ATG16L2: variants seen among roughly 807,000 people sequenced by gnomAD.
ATG16L2 encodes the protein protein Atg16l2.
ATG16L2 carries 77 observed loss-of-function variants against 84.7 expected under a neutral mutation model. The ratio of observed to expected loss-of-function variants is 0.91; its 90% CI spans 0.76 to 1.10. The LOEUF is 1.10. Among genes scored for constraint, ATG16L2 ranks in the 50% least tolerant of loss-of-function variants. The pLI is 0.00. For synonymous variants in ATG16L2, 361 were observed against 342.8 expected, an observed-to-expected ratio of 1.05 and a Z score of -0.59; for missense variants, 782 against 817.6, an observed-to-expected ratio of 0.96 and a Z score of 0.53.
rs970386752 is a variant in ATG16L2 at position 72,824,086 on chromosome 11, T to C, written c.851T>C (p.Leu284Pro). The part of the protein sequence containing the change: ...FRSASATSLT[L>P]SHCVDVVKGL... ...TCTGCCTCAGCCACCTCCCTGACGC[T>C]GTCCCACTGTGTGGATGTGGTGAAG... The change falls in exon 8 of 18, where the codon CTG (leucine) becomes CCG (proline). Residue 284 changes from leucine to proline, a missense_variant. Physicochemically the swap from Leu to Pro is moderately conservative, Grantham distance 98. Coordinates refer to ENST00000321297, the MANE Select transcript of ATG16L2 (RefSeq NM_033388.2). 7 of 1,614,254 alleles carry C rather than the reference T, an allele frequency of 4.3e-6. No individual in the cohort carries two copies. The East Asian group carries it at 1.3e-4, about 31-fold the overall frequency.
chr11:72,825,852 G>A (rs1386313838), intron 10 of ATG16L2, among the ~76,000 whole-genome samples: 3 of 152,084 alleles, frequency 2.0e-5, no homozygotes, highest in Admixed American at 6.5e-5. Flanking sequence ...AGTCAGAGCC[G>A]GCTCCTGGGG....
At chr11:72,824,536 C>A (rs1210566207) in intron 8 of ATG16L2, 198 bp from the exon 9 acceptor site, 3 of 603,370 alleles carry the variant, frequency 5.0e-6, no homozygotes, top group Non-Finnish European at 5.9e-6. Flanking sequence ...GTGTCTGCCT[C>A]TGTGTGCTCC....
chr11:72,822,288 C>A lies in ATG16L2; in HGVS notation c.637C>A (p.Arg213=). ...CGAGCGCAACCTGCGCAACGAGCGC[C>A]GGGAGCGGTGAGGGAGCAGGCCCCG... The part of the protein sequence containing the change: ...AAERNLRNER[R]ERAKQARVSQ... The change falls in exon 5 of 18, where the codon CGG becomes AGG. Residue 213 remains arginine, a synonymous_variant. Transcript: ENST00000321297. The surrounding 1 kb of genome is among the most constrained non-coding windows in gnomAD (Gnocchi z 4.2). 6.6e-7 allele frequency: 1 copy of A among 1,511,522 alleles called. No individual in the cohort carries two copies. Among genetic ancestry groups the A allele is most frequent in the South Asian group, 1.2e-5 (1 of 81,504 alleles). The allele number at this position is 1,511,522 out of a possible 1,614,324, so 93.6% of individuals were successfully genotyped here. A position where few individuals can be genotyped will look rare whatever the true frequency, so the allele number is the denominator to read the frequency against.
Position 72,827,207 on chromosome 11 carries a change from C to G in ATG16L2, c.1386C>G (p.Val462=), listed in dbSNP as rs1234532172. 8.7e-6 allele frequency: 14 copies of G among 1,614,036 alleles called. No individual in the cohort carries two copies. The highest frequency in any genetic ancestry group is 1.2e-5 in the Non-Finnish European group (14 of 1,179,946). Residue 462 remains valine (V), a synonymous_variant, in exon 14 of 18, where the codon GTC becomes GTG. Transcript: ENST00000321297. ...CCCCAGGCTCCAGGACCATCAATGTCCTTTCCTACTGTAATGACGTGGTGT... is the reference window on the plus strand; with the variant it reads ...CCCCAGGCTCCAGGACCATCAATGTGCTTTCCTACTGTAATGACGTGGTGT... ...GRAYCSRTIN[V]LSYCNDVVCG...
downstream of ATG16L2, among the ~76,000 whole-genome samples, chr11:72,831,137 G>C (rs1250105177): frequency 1.3e-5 from 2 of 152,242 alleles, no homozygotes; most frequent in African/African-American, 4.8e-5. Context: ...GAAGAGGCCA[G>C]GATGGGAATA....
Position 72,828,432 on chromosome 11 carries a change from C to T in ATG16L2, c.1546C>T (p.His516Tyr). 6.2e-7 allele frequency: 1 copy of T among 1,614,010 alleles called. No homozygotes were observed. The highest frequency in any genetic ancestry group is 8.5e-7 in the Non-Finnish European group (1 of 1,179,982). The change falls in exon 15 of 18, where the codon CAC becomes TAC. Residue 516 changes from histidine (H) to tyrosine (Y), a missense_variant. By Grantham distance (83) the His-to-Tyr change is moderately conservative. Transcript: ENST00000321297. ...CCTGAGCCTCAGCCACGACCAACTG[C>T]ACCTGCTCAGCTGTTCCCGAGACAA... Reference protein sequence around the residue: ...TSLSLSHDQLHLLSCSRDNTL... With the variant: ...TSLSLSHDQLYLLSCSRDNTL...
chr11:72,829,099 C>A, intron 17 of ATG16L2, 115 bp downstream of exon 17: 1 of 1,177,522 alleles, frequency 8.5e-7, no homozygotes, highest in Non-Finnish European at 1.2e-6. Context: ...ACCTTCCACC[C>A]GACCAGAGCC....
rs1859718650 is a variant in ATG16L2, at chr11:72,816,727, GATAA to G, written c.119_122del (p.Tyr40SerfsTer4). 6.2e-7 allele frequency: 1 copy of G among 1,613,782 alleles called. No individual in the cohort carries two copies. The highest frequency in any genetic ancestry group is 1.3e-5 in the African/African-American group (1 of 74,928). ...CAGGCTCACTCTCTTGCACTCTCCA[GATAA>G]CCATCTCTTAGAGAAGGCTGAGCTG... On this transcript the variant is annotated frameshift_variant and splice_region_variant, in exon 2 of 18. Transcript: ENST00000321297. LOFTEE classifies it high-confidence loss of function.
chr11:72,842,553 T>C, intron 5 of ATG16L2: 1 of 1,591,330 alleles, frequency 6.3e-7, no homozygotes. Flanking sequence ...TTTGTGTGGA[T>C]CCACAGACCC....
chr11:72,818,060 C>A (rs373641875), intron 3 of ATG16L2: 12 of 574,430 alleles, frequency 2.1e-5, no homozygotes, highest in African/African-American at 2.1e-4. Context: ...GCTCCAACAG[C>A]AGCTGGAGGG....
In ATG16L2 at chr11:72,822,609, CCCAG is replaced by C. The variant is rs1860079033; in HGVS notation, c.710+67_710+70del. 6.3e-7 allele frequency: 1 copy of C among 1,575,538 alleles called. No homozygotes were observed. The highest frequency in any genetic ancestry group is 8.6e-7 in the Non-Finnish European group (1 of 1,159,648). On this transcript the variant is annotated intron_variant, in intron 6 of 17. Transcript: ENST00000321297. The surrounding 1 kb of genome is among the most constrained non-coding windows in gnomAD (Gnocchi z 4.2). Reference sequence around the variant, plus strand: ...CTCCCGCCCCGCCTGCCTGCGGCGACCCAGGCTGCCGACTGTACTTGTGCACAGC... The same window carrying C: ...CTCCCGCCCCGCCTGCCTGCGGCGACGCTGCCGACTGTACTTGTGCACAGC...
In ATG16L2 at chr11:72,822,623, T is replaced by A. The variant is rs889061472; in HGVS notation, c.710+80T>A. 43 of 1,554,440 alleles carry A rather than the reference T, an allele frequency of 2.8e-5. No individual in the cohort carries two copies. The highest frequency in any genetic ancestry group is 3.7e-5 in the Non-Finnish European group (42 of 1,145,078). On this transcript the variant is annotated intron_variant, in intron 6 of 17. Coordinates refer to ENST00000321297, the MANE Select transcript of ATG16L2 (RefSeq NM_033388.2). This position sits in a 1 kb window ranked among gnomAD's most constrained non-coding sequence, Gnocchi z 4.2. ...GCCTGCGGCGACCCAGGCTGCCGAC[T>A]GTACTTGTGCACAGCCCCGTCCTGA...
rs1056965704 is a variant in ATG16L2 at position 72,822,365 on chromosome 11, G to C, written c.644+70G>C. 6.4e-7 allele frequency: 1 copy of C among 1,567,346 alleles called. No homozygotes were observed. The highest frequency in any genetic ancestry group is 1.4e-5 in the African/African-American group (1 of 73,526). Reference sequence around the variant, plus strand: ...TGCAGGGAGGAGTCGGGCCTCGCCGGTGTCTGGAAGGGAGGGGGGCAGCAG... The same window carrying C: ...TGCAGGGAGGAGTCGGGCCTCGCCGCTGTCTGGAAGGGAGGGGGGCAGCAG... On this transcript the variant is annotated intron_variant, in intron 5 of 17. Transcript: ENST00000321297. The surrounding 1 kb of genome is among the most constrained non-coding windows in gnomAD (Gnocchi z 4.2).
chr11:72,819,672 C>G (rs1303134552), intron 3 of ATG16L2, among the ~76,000 whole-genome samples: 1 of 152,194 alleles, frequency 6.6e-6, no homozygotes, highest in African/African-American at 2.4e-5. Flanking sequence ...CCCAGCACTC[C>G]TTCCCAGGAC....
Position 72,816,763 on chromosome 11 carries a change from A to G in ATG16L2, c.154A>G (p.Lys52Glu). 1 of 1,614,192 alleles carries G rather than the reference A, an allele frequency of 6.2e-7. No homozygotes were observed. Among genetic ancestry groups the G allele is most frequent in the South Asian group, 1.1e-5 (1 of 91,090 alleles). ...CTTAGAGAAGGCTGAGCTGCTGGAC[A>G]AGTTCTCAAAGAAGCTGCAGCCGGA... is the stretch of plus-strand genomic sequence containing the variant. The part of the protein sequence containing the change: ...HLLEKAELLD[K>E]FSKKLQPEPN... Residue 52 changes from lysine to glutamate, a missense_variant, in exon 2 of 18, where the codon AAG (lysine) becomes GAG (glutamate). Coordinates refer to ENST00000321297, the MANE Select transcript of ATG16L2 (RefSeq NM_033388.2).
rs1230950860 is a variant in ATG16L2, at chr11:72,817,802, C to T, written c.265C>T (p.Leu89=). Residue 89 remains leucine (L), a synonymous_variant, in exon 3 of 18, where the codon CTG becomes TTG. Coordinates refer to ENST00000321297, the MANE Select transcript of ATG16L2 (RefSeq NM_033388.2). ...AGACCAAGTCCCATCACTGGTCGCACTGAGGGTGAAGTGGCAGGAGGAGGA... is the reference window on the plus strand; with the variant it reads ...AGACCAAGTCCCATCACTGGTCGCATTGAGGGTGAAGTGGCAGGAGGAGGA... ...DSDQVPSLVA[L]RVKWQEEEEG... is the part of the protein sequence containing the mutation. 3 of 1,613,506 alleles carry T rather than the reference C, an allele frequency of 1.9e-6. No individual in the cohort carries two copies. Among genetic ancestry groups the T allele is most frequent in the East Asian group, 4.5e-5 (2 of 44,880 alleles).
intron 7 of ATG16L2, chr11:72,823,728 C>T (rs1329367149): frequency 4.1e-6 from 2 of 488,100 alleles, no homozygotes; most frequent in African/African-American, 3.9e-5. Context: ...CTCCCATCCC[C>T]AGCCTGGGGG....
At position 72,828,795 on chromosome 11, in the gene ATG16L2, A is replaced by G. The variant is rs1860509542; in HGVS notation, c.1670+19A>G. ...TGTTCAGGTATGTCCGTGAGAGCATATGCCTGTGTCCAAGTGTGCCCTGCC... is the reference window on the plus strand; with the variant it reads ...TGTTCAGGTATGTCCGTGAGAGCATGTGCCTGTGTCCAAGTGTGCCCTGCC... On this transcript the variant is annotated intron_variant, in intron 16 of 17. Coordinates refer to ENST00000321297, the MANE Select transcript of ATG16L2 (RefSeq NM_033388.2). 6.2e-7 allele frequency: 1 copy of G among 1,613,960 alleles called. No individual in the cohort carries two copies. The highest frequency in any genetic ancestry group is 1.3e-5 in the African/African-American group (1 of 74,878).
rs569123429 is a variant in ATG16L2, at chr11:72,816,789, G to C, written c.180G>C (p.Glu60Asp). ...AGTTCTCAAAGAAGCTGCAGCCGGA[G>C]CCAAACAGTGTCACTCCCACCACCC... is the stretch of plus-strand genomic sequence containing the variant. ...LDKFSKKLQP[E>D]PNSVTPTTHQ... The change falls in exon 2 of 18, where the codon GAG becomes GAC. Residue 60 changes from glutamate (E) to aspartate (D), a missense_variant. By Grantham distance (45) the Glu-to-Asp change is conservative. Coordinates refer to ENST00000321297, the MANE Select transcript of ATG16L2 (RefSeq NM_033388.2). 1 of 1,614,254 alleles carries C rather than the reference G, an allele frequency of 6.2e-7. No individual in the cohort carries two copies. The highest frequency in any genetic ancestry group is 8.5e-7 in the Non-Finnish European group (1 of 1,180,032).
Sources: gnomAD v4.1 joint callset for allele counts (sites outside exome capture counted in the v4.1 genomes callset) on GRCh38, gnomAD v4.1.1 for gene constraint, Gnocchi (gnomAD v3.1) non-coding constraint, MANE v1.5 for transcripts, NCBI Gene and HGNC (gene_info 2026-07-23, HGNC 2026-07-21) for gene names.